The following OSER1 variants were observed in gnomAD, a reference collection of about 807,000 sequenced individuals.
OSER1 encodes oxidative stress responsive serine rich 1, also known as oxidative stress-responsive serine-rich protein 1.
A neutral mutation model predicts 26.3 loss-of-function variants in OSER1; 15 were observed. The ratio of observed to expected loss-of-function variants is 0.57; its 90% CI spans 0.38 to 0.88. OSER1 has a LOEUF of 0.88. Among genes scored for constraint, OSER1 ranks in the 40% least tolerant of loss-of-function variants. OSER1 has a pLI of 0.00. For missense variants in OSER1, 313 were observed against 353.9 expected, an observed-to-expected ratio of 0.88 and a Z score of 0.93; for synonymous variants, 127 against 128.2, an observed-to-expected ratio of 0.99 and a Z score of 0.07.
In OSER1 at chr20:44,197,761, CAAG is replaced by C. The variant is rs746182061; in HGVS notation, c.192-25_192-23del. 13 of 1,525,314 alleles carry C rather than the reference CAAG, an allele frequency of 8.5e-6. No individual in the cohort carries two copies. In the East Asian group the frequency reaches 1.1e-4, roughly 13 times the overall value. The allele number at this position is 1,525,314 out of a possible 1,614,324, so 94.5% of individuals were successfully genotyped here. On this transcript the variant is annotated intron_variant, in intron 3 of 3. Coordinates refer to ENST00000255174, the MANE Select transcript of OSER1 (RefSeq NM_016470.8). ...AGACCTAAAGAGGAAAAAAAATATA[CAAG>C]AAGATGTTGGGATATGGAGCTGTCC...
chr20:44,202,682 A>G (rs1377932288), intron 3 of OSER1, among the ~76,000 whole-genome samples: 1 of 152,232 alleles, frequency 6.6e-6, no homozygotes, highest in African/African-American at 2.4e-5. Context: ...AAAGGTTCCA[A>G]TAACACATTT....
chr20:44,202,867 T>C lies in OSER1; in HGVS notation c.191+94A>G, dbSNP rs948787821. On this transcript the variant is annotated intron_variant, in intron 3 of 3. Coordinates refer to ENST00000255174, the MANE Select transcript of OSER1 (RefSeq NM_016470.8). ...TCTAATCATTGGGTCTTAGGTTCTA[T>C]ATCATAACCTAACTCTTTTCTGGAC... 13 of 673,054 alleles carry C rather than the reference T, an allele frequency of 1.9e-5. No individual in the cohort carries two copies. The African/African-American group carries it at 2.2e-4, about 11-fold the overall frequency. 41.7% of individuals were successfully genotyped at this position (673,054 alleles called of 1,614,324 possible).
chr20:44,197,498 C>G lies in OSER1; in HGVS notation c.433G>C (p.Ala145Pro), dbSNP rs750973244. ...STSLDANHTG[A>P]VVEPLRTSVP... is the part of the protein sequence containing the mutation. Reference sequence around the variant, plus strand: ...GAAGTTCTCAAAGGCTCAACGACTGCCCCTGTGTGATTAGCATCGAGAGAA... The same window carrying G: ...GAAGTTCTCAAAGGCTCAACGACTGGCCCTGTGTGATTAGCATCGAGAGAA... The change falls in exon 4 of 4, where the codon GCA becomes CCA. Residue 145 changes from alanine (A) to proline (P), a missense_variant. Physicochemically the swap from Ala to Pro is conservative, Grantham distance 27 (BLOSUM62 -1). Transcript: ENST00000255174. 1 of 1,614,018 alleles carries G rather than the reference C, an allele frequency of 6.2e-7. No homozygotes were observed. Among genetic ancestry groups the G allele is most frequent in the Non-Finnish European group, 8.5e-7 (1 of 1,179,986 alleles).
In OSER1 at chr20:44,196,371, A is replaced by AC. The variant is rs1321778620; in HGVS notation, c.*680dup. 1 of 151,360 alleles carries AC rather than the reference A, an allele frequency of 6.6e-6. No individual in the cohort carries two copies. The highest frequency in any genetic ancestry group is 1.5e-5 in the Non-Finnish European group (1 of 67,940). The allele number at this position is 151,360 out of a possible 1,614,324, so 9.4% of individuals were successfully genotyped here. ...GACACACACTCGTTTCAAATATTAC[A>AC]CCCCCTCCCTCCAACTGAAGCAGCC... On this transcript the variant is annotated 3_prime_UTR_variant, in exon 4 of 4. Coordinates refer to ENST00000255174, the MANE Select transcript of OSER1 (RefSeq NM_016470.8).
At chr20:44,202,864 C>G in intron 3 of OSER1, 97 bp downstream of exon 3, 2 of 661,324 alleles carry the variant, frequency 3.0e-6, no homozygotes, top group South Asian at 3.7e-5. Context: ...GTCTTAGGTT[C>G]TATATCATAA....
In OSER1 at chr20:44,197,320, C is replaced by A. The variant is rs2072929284; in HGVS notation, c.611G>T (p.Cys204Phe). Residue 204 changes from cysteine (C) to phenylalanine (F), a missense_variant, in exon 4 of 4, where the codon TGC becomes TTC. By Grantham distance (205) the Cys-to-Phe change is radical (BLOSUM62 -2). Coordinates refer to ENST00000255174, the MANE Select transcript of OSER1 (RefSeq NM_016470.8). ...CATATCATGCCATCTCTTACACTGG[C>A]ATTCCTTGCCTATGCATGTGCATGG... ...GKPCTCIGKE[C>F]QCKRWHDMEV... The A allele has an allele frequency of 1.2e-6, 2 of 1,614,232 alleles. No individual in the cohort carries two copies. Among genetic ancestry groups the A allele is most frequent in the Non-Finnish European group, 1.7e-6 (2 of 1,180,026 alleles).
chr20:44,207,077 A>G (rs2073045538), intron 1 of OSER1, 79 bp from the exon 2 acceptor site: 1 of 659,252 alleles, frequency 1.5e-6, no homozygotes, highest in Non-Finnish European at 2.6e-6. Flanking sequence ...GTTAGAAAAA[A>G]AAAGCAAATT....
chr20:44,201,902 G>A (rs1338660370), intron 3 of OSER1, among the ~76,000 whole-genome samples: 1 of 151,978 alleles, frequency 6.6e-6, no homozygotes, highest in African/African-American at 2.4e-5. Flanking sequence ...AAAAAAGCAG[G>A]ACAAATAAAG....
In OSER1 at chr20:44,197,257, G is replaced by A. The variant is rs1323045898; in HGVS notation, c.674C>T (p.Pro225Leu). 1.2e-6 allele frequency: 2 copies of A among 1,613,210 alleles called. No homozygotes were observed. The highest frequency in any genetic ancestry group is 8.5e-7 in the Non-Finnish European group (1 of 1,179,642). Residue 225 changes from proline to leucine, a missense_variant, in exon 4 of 4, where the codon CCC (proline) becomes CTC (leucine). Around this residue, in one of 2 missense-constraint regions of OSER1, gnomAD observed 300 missense variants for 318.3 expected, o/e 0.94. Coordinates refer to ENST00000255174, the MANE Select transcript of OSER1 (RefSeq NM_016470.8). ...TGTGGATCTTCGTTCTGGAGCCAAG[G>A]GAGGGACACTCTGCAGGCCTGAAAA... is the stretch of plus-strand genomic sequence containing the variant. ...YSFSGLQSVPPLAPERRSTLE... is the reference protein window; with the variant it reads ...YSFSGLQSVPLLAPERRSTLE...
intron 2 of OSER1, among the ~76,000 whole-genome samples, chr20:44,206,243 G>A (rs1417549946): frequency 2.0e-5 from 3 of 152,304 alleles, no homozygotes; most frequent in Non-Finnish European, 4.4e-5. Flanking sequence ...TTCCATTTAT[G>A]AAAAGAAATT....
At chr20:44,200,354 C>A (rs566187536) in intron 3 of OSER1, among the ~76,000 whole-genome samples, 1 of 152,182 alleles carries the variant, frequency 6.6e-6, no homozygotes, top group Non-Finnish European at 1.5e-5. Flanking sequence ...CTCTATCCTG[C>A]GACTGTCTCA....
At chr20:44,198,479 C>A (rs1269733928) in intron 3 of OSER1, among the ~76,000 whole-genome samples, 1 of 151,916 alleles carries the variant, frequency 6.6e-6, no homozygotes, top group Non-Finnish European at 1.5e-5. Flanking sequence ...ATTAGCCGGG[C>A]GTGGTGGTGG....
intron 2 of OSER1, among the ~76,000 whole-genome samples, chr20:44,205,018 T>G (rs952720132): frequency 6.6e-6 from 1 of 152,074 alleles, no homozygotes; most frequent in South Asian, 2.1e-4. Flanking sequence ...TTTGTTTTTT[T>G]GCAGACGGGT....
rs1248551148 is a variant in OSER1 at position 44,196,469 on chromosome 20, G to A, written c.*583C>T. On this transcript the variant is annotated 3_prime_UTR_variant, in exon 4 of 4. Coordinates refer to ENST00000255174, the MANE Select transcript of OSER1 (RefSeq NM_016470.8). ...AATAGCACCAGCAGGGGCTTATTTA[G>A]TGATGGTTAATAACTCTCTCAAACA... The A allele has an allele frequency of 1.3e-5, 2 of 152,534 alleles. No individual in the cohort carries two copies. The highest frequency in any genetic ancestry group is 2.9e-5 in the Non-Finnish European group (2 of 68,326). The allele number at this position is 152,534 out of a possible 1,614,324, so 9.4% of individuals were successfully genotyped here.
chr20:44,204,868 C>T (rs939761754), intron 2 of OSER1, among the ~76,000 whole-genome samples: 6 of 151,222 alleles, frequency 4.0e-5, no homozygotes, highest in African/African-American at 7.3e-5. Context: ...GACAGGGTCT[C>T]GCTCTGTTGC....
At chr20:44,207,179 A>G (rs1318069908) in intron 1 of OSER1, 181 bp from the exon 2 acceptor site, 3 of 458,800 alleles carry the variant, frequency 6.5e-6, no homozygotes, top group Middle Eastern at 6.1e-4. Context: ...CCAAAAATGG[A>G]TATGTACTAT....
At chr20:44,209,274 G>A (rs2073072148) in intron 1 of OSER1, among the ~76,000 whole-genome samples, 2 of 152,214 alleles carry the variant, frequency 1.3e-5, no homozygotes. Context: ...CAGGAATGAA[G>A]TTCTGTCTAA....
At chr20:44,202,488 AG>A (rs1324686387) in intron 3 of OSER1, among the ~76,000 whole-genome samples, 2 of 152,234 alleles carry the variant, frequency 1.3e-5, no homozygotes, top group Non-Finnish European at 2.9e-5. Context: ...ACATAATAAA[AG>A]TTTCAATTCA....
chr20:44,208,577 A>G (rs1184723229), intron 1 of OSER1, among the ~76,000 whole-genome samples: 2 of 152,288 alleles, frequency 1.3e-5, no homozygotes, highest in East Asian at 1.9e-4. Flanking sequence ...ACTAGTCTCT[A>G]ATTCTCAGTT....
Sources: allele counts gnomAD v4.1 joint callset (sites outside exome capture counted in the v4.1 genomes callset), GRCh38; gene constraint gnomAD v4.1.1; regional missense constraint gnomAD v4.1.1; transcripts MANE v1.5; gene names NCBI Gene and HGNC (gene_info 2026-07-23, HGNC 2026-07-21).